The following EHBP1L1 variants were observed in gnomAD, a reference collection of about 807,000 sequenced individuals.
EHBP1L1 encodes the protein EH domain binding protein 1 like 1, also known as EH domain-binding protein 1-like protein 1.
A neutral mutation model predicts 151.1 loss-of-function variants in EHBP1L1; 122 were observed. That is an observed-to-expected ratio of 0.81 (90% CI 0.70 to 0.94). EHBP1L1 has a LOEUF of 0.94. Among genes scored for constraint, EHBP1L1 ranks in the 40% least tolerant of loss-of-function variants. The pLI is 0.00. For missense variants in EHBP1L1, 1,941 were observed against 1,959.8 expected, an observed-to-expected ratio of 0.99 and a Z score of 0.18; for synonymous variants, 878 against 810.1, an observed-to-expected ratio of 1.08 and a Z score of -1.42.
chr11:65,581,638 T>A lies in EHBP1L1; in HGVS notation c.966T>A (p.Asp322Glu), dbSNP rs1487412305. 3.1e-5 allele frequency: 48 copies of A among 1,553,110 alleles called. No individual in the cohort carries two copies. The highest frequency in any genetic ancestry group is 4.1e-5 in the Non-Finnish European group (47 of 1,148,562). Residue 322 changes from aspartate (D) to glutamate (E), a missense_variant, in exon 9 of 19, where the codon GAT becomes GAA. Asp to Glu is a conservative substitution (Grantham distance 45, BLOSUM62 2). Coordinates refer to ENST00000309295, the MANE Select transcript of EHBP1L1 (RefSeq NM_001099409.3). Reference protein sequence around the residue: ...ALRPPVPQGEDEVPKASGAPP... With the variant: ...ALRPPVPQGEEEVPKASGAPP... ...GGCCCCCAGTCCCCCAGGGGGAAGA[T>A]GAGGTCCCCAAAGCCTCAGGGGCTC...
At chr11:65,592,159 G>A in intron 18 of EHBP1L1, 44 bp from the exon 19 acceptor site, 1 of 1,605,836 alleles carries the variant, frequency 6.2e-7, no homozygotes, top group South Asian at 1.1e-5. Context: ...GGCTGCGTGT[G>A]GACCCCGCCC....
Position 65,585,572 on chromosome 11 carries a change from C to T in EHBP1L1, c.3914C>T (p.Ala1305Val). The change falls in exon 12 of 19, where the codon GCC becomes GTC. Residue 1305 changes from alanine (A) to valine (V), a missense_variant. By Grantham distance (64) the Ala-to-Val change is moderately conservative (BLOSUM62 0). Transcript: ENST00000309295. The surrounding 1 kb of genome is among the most constrained non-coding windows in gnomAD (Gnocchi z 4.0). Reference protein sequence around the residue: ...SFSMDDPDAGAMGAAAAEGQA... With the variant: ...SFSMDDPDAGVMGAAAAEGQA... ...TCGATGGACGATCCGGACGCGGGAG[C>T]CATGGGAGCTGCGGCTGCAGTGAGT... The T allele has an allele frequency of 6.3e-7, 1 of 1,580,798 alleles. No homozygotes were observed. Among genetic ancestry groups the T allele is most frequent in the South Asian group, 1.1e-5 (1 of 88,166 alleles).
intron 3 of EHBP1L1, 96 bp from the exon 4 acceptor site, chr11:65,579,840 A>G: frequency 7.4e-7 from 1 of 1,356,862 alleles, no homozygotes; most frequent in Admixed American, 2.2e-5. Flanking sequence ...AAAAAAAAAA[A>G]AGCCACCACT....
intron 6 of EHBP1L1, 50 bp from the exon 7 acceptor site, chr11:65,581,008 G>T: frequency 1.3e-6 from 2 of 1,552,376 alleles, no homozygotes; most frequent in Non-Finnish European, 1.7e-6. Flanking sequence ...GGCCTGTGGG[G>T]CCCTGCCCTG....
In EHBP1L1 at chr11:65,583,432, G is replaced by T. The variant is rs770611619; in HGVS notation, c.2760G>T (p.Glu920Asp). ...TAGGATCCCAGGAAGCAAAAGCAGA[G>T]ATTTCAGGAGTACAAGGGTCAGAGA... ...RVLGSQEAKA[E>D]ISGVQGSETQ... is the part of the protein sequence containing the mutation. The change falls in exon 9 of 19, where the codon GAG (glutamate) becomes GAT (aspartate). Residue 920 changes from glutamate (E) to aspartate (D), a missense_variant. By Grantham distance (45) the Glu-to-Asp change is conservative. Coordinates refer to ENST00000309295, the MANE Select transcript of EHBP1L1 (RefSeq NM_001099409.3). The T allele has an allele frequency of 6.2e-7, 1 of 1,613,638 alleles. No homozygotes were observed. Among genetic ancestry groups the T allele is most frequent in the Non-Finnish European group, 8.5e-7 (1 of 1,179,776 alleles).
chr11:65,584,228 CCT>C lies in EHBP1L1; in HGVS notation c.3094-12_3094-11del. Reference sequence around the variant, plus strand: ...CATTTATACATTCCCTAAGCCCACCCCTGTGTCCTCAGGCACCACCTGCCCTG... The same window carrying C: ...CATTTATACATTCCCTAAGCCCACCCGTGTCCTCAGGCACCACCTGCCCTG... On this transcript the variant is annotated splice_polypyrimidine_tract_variant and intron_variant, in intron 9 of 18. Coordinates refer to ENST00000309295, the MANE Select transcript of EHBP1L1 (RefSeq NM_001099409.3). 1.2e-6 allele frequency: 2 copies of C among 1,605,420 alleles called. No homozygotes were observed. The highest frequency in any genetic ancestry group is 1.7e-6 in the Non-Finnish European group (2 of 1,177,396).
rs764716500 is a variant in EHBP1L1, at chr11:65,582,197, G to T, written c.1525G>T (p.Ala509Ser). 1 of 1,543,984 alleles carries T rather than the reference G, an allele frequency of 6.5e-7. No individual in the cohort carries two copies. The change falls in exon 9 of 19, where the codon GCA becomes TCA. Residue 509 changes from alanine to serine, a missense_variant. Coordinates refer to ENST00000309295, the MANE Select transcript of EHBP1L1 (RefSeq NM_001099409.3). ...RAAAGQEREG[A>S]EVRGGAPGIE... ...TGCTGCAGGCCAGGAGAGAGAGGGT[G>T]CAGAAGTGAGGGGTGGAGCACCTGG...
rs772115377 is a variant in EHBP1L1 at position 65,584,466 on chromosome 11, G to A, written c.3252-20G>A. On this transcript the variant is annotated intron_variant, in intron 10 of 18. Transcript: ENST00000309295. ...GGAGGGCAGTGTGGACCCAGCCTCT[G>A]ACCAGCACACTCTCTGCAGTGACTA... The A allele has an allele frequency of 2.0e-5, 32 of 1,613,340 alleles. No individual in the cohort carries two copies. The South Asian group carries it at 3.3e-4, about 17-fold the overall frequency.
Position 65,581,371 on chromosome 11 carries a change from G to T in EHBP1L1, c.864G>T (p.Met288Ile). The change falls in exon 8 of 19, where the codon ATG becomes ATT. Residue 288 changes from methionine (M) to isoleucine (I), a missense_variant and splice_region_variant. Coordinates refer to ENST00000309295, the MANE Select transcript of EHBP1L1 (RefSeq NM_001099409.3). Reference sequence around the variant, plus strand: ...GGCCCCCGGAAACCTCACCAGAGATGAGGTGAGCTTTGGAACCAGCCTCAC... The same window carrying T: ...GGCCCCCGGAAACCTCACCAGAGATTAGGTGAGCTTTGGAACCAGCCTCAC... ...APRPPETSPE[M>I]RSSRQPAQDT... 4 of 1,553,212 alleles carry T rather than the reference G, an allele frequency of 2.6e-6. No individual in the cohort carries two copies. Among genetic ancestry groups the T allele is most frequent in the Non-Finnish European group, 3.5e-6 (4 of 1,153,008 alleles).
Position 65,581,566 on chromosome 11 carries a change from G to A in EHBP1L1, c.894G>A (p.Thr298=), listed in dbSNP as rs74684453. The change falls in exon 9 of 19, where the codon ACG becomes ACA. Residue 298 remains threonine, a synonymous_variant. Coordinates refer to ENST00000309295, the MANE Select transcript of EHBP1L1 (RefSeq NM_001099409.3). ...MRSSRQPAQD[T]APTPAPRLRK... ...CTTCAAGGCAGCCAGCCCAGGACAC[G>A]GCCCCCACCCCAGCCCCTCGGCTCC... 35,314 of 1,506,166 alleles carry A rather than the reference G, an allele frequency of 0.023. 500 individuals carry two copies. The highest frequency in any genetic ancestry group is 0.028 in the Non-Finnish European group (31,615 of 1,128,528). The allele number at this position is 1,506,166 out of a possible 1,614,324, so 93.3% of individuals were successfully genotyped here.
chr11:65,582,224 A>T lies in EHBP1L1; in HGVS notation c.1552A>T (p.Ile518Phe). 1 of 1,531,032 alleles carries T rather than the reference A, an allele frequency of 6.5e-7. No homozygotes were observed. The highest frequency in any genetic ancestry group is 1.3e-5 in the South Asian group (1 of 77,172). 94.8% of individuals were successfully genotyped at this position (1,531,032 alleles called of 1,614,324 possible). A position where few individuals can be genotyped will look rare whatever the true frequency, so the allele number is the denominator to read the frequency against. ...AGAAGTGAGGGGTGGAGCACCTGGT[A>T]TTGAGGGGACAGGCCTGGAGCAGGG... Reference protein sequence around the residue: ...GAEVRGGAPGIEGTGLEQGPS... With the variant: ...GAEVRGGAPGFEGTGLEQGPS... Residue 518 changes from isoleucine to phenylalanine, a missense_variant, in exon 9 of 19, where the codon ATT becomes TTT. Ile to Phe is a conservative substitution (Grantham distance 21, BLOSUM62 0). Coordinates refer to ENST00000309295, the MANE Select transcript of EHBP1L1 (RefSeq NM_001099409.3).
intron 1 of EHBP1L1, among the ~76,000 whole-genome samples, chr11:65,577,583 C>T (rs896509074): frequency 1.3e-5 from 2 of 152,076 alleles, no homozygotes; most frequent in Non-Finnish European, 2.9e-5. Flanking sequence ...TAGCCTGGAG[C>T]CCAGGCCGGG....
In EHBP1L1 at chr11:65,592,380, C is replaced by G. The variant is rs1182311487; in HGVS notation, c.*78C>G. ...GCCCCGGGCCTGCGCTGCGGACGAC[C>G]CGGCCGTCCCGGAGGCCGCGCGCGT... On this transcript the variant is annotated 3_prime_UTR_variant, in exon 19 of 19. Coordinates refer to ENST00000309295, the MANE Select transcript of EHBP1L1 (RefSeq NM_001099409.3). 7 of 1,106,520 alleles carry G rather than the reference C, an allele frequency of 6.3e-6. No homozygotes were observed. Among genetic ancestry groups the G allele is most frequent in the Non-Finnish European group, 7.8e-6 (7 of 893,168 alleles). 68.5% of individuals were successfully genotyped at this position (1,106,520 alleles called of 1,614,324 possible).
At chr11:65,584,876 C>T (rs1857850845) in intron 11 of EHBP1L1, 83 bp from the exon 12 acceptor site, 1 of 1,483,190 alleles carries the variant, frequency 6.7e-7, no homozygotes, top group Admixed American at 2.5e-5. Context: ...ATCCCGGGGA[C>T]CCCCTCCGTG....
At chr11:65,580,973 G>A in intron 6 of EHBP1L1, 85 bp from the exon 7 acceptor site, 1 of 1,518,812 alleles carries the variant, frequency 6.6e-7, no homozygotes. Flanking sequence ...GGTAGGACCT[G>A]CACTGTAGTT....
At chr11:65,581,153 G>A (rs1173334145) in intron 7 of EHBP1L1, 27 bp downstream of exon 7, 7 of 1,612,354 alleles carry the variant, frequency 4.3e-6, no homozygotes, top group Non-Finnish European at 5.1e-6. Context: ...GGTTGGGGGT[G>A]GAGACTGGAC....
At position 65,583,310 on chromosome 11, in the gene EHBP1L1, G is replaced by A; in HGVS notation, c.2638G>A (p.Glu880Lys). ...EIIVPEAEKE[E>K]AQTSGVQEAE... ...TATAGTTCCAGAGGCTGAGAAGGAA[G>A]AGGCTCAGACTTCGGGGGTCCAGGA... is the stretch of plus-strand genomic sequence containing the variant. The change falls in exon 9 of 19, where the codon GAG (glutamate) becomes AAG (lysine). Residue 880 changes from glutamate (E) to lysine (K), a missense_variant. Physicochemically the swap from Glu to Lys is moderately conservative, Grantham distance 56 (BLOSUM62 1). Coordinates refer to ENST00000309295, the MANE Select transcript of EHBP1L1 (RefSeq NM_001099409.3). 1 of 1,613,738 alleles carries A rather than the reference G, an allele frequency of 6.2e-7. No individual in the cohort carries two copies. The highest frequency in any genetic ancestry group is 8.5e-7 in the Non-Finnish European group (1 of 1,179,822).
At chr11:65,584,697 C>CGTTT (rs892636382) in intron 11 of EHBP1L1, 163 bp downstream of exon 11, 1 of 1,135,648 alleles carries the variant, frequency 8.8e-7, no homozygotes, top group Middle Eastern at 2.8e-4. Flanking sequence ...TCCTTATTTT[C>CGTTT]GTTTGTTTGT....
At chr11:65,591,654 GATA>G in intron 16 of EHBP1L1, 143 bp from the exon 17 acceptor site, 1 of 707,232 alleles carries the variant, frequency 1.4e-6, no homozygotes, top group Non-Finnish European at 2.6e-6. Context: ...GAGACTAGAG[GATA>G]GCTCTGCGGT....
Sources: allele counts gnomAD v4.1 joint callset (sites outside exome capture counted in the v4.1 genomes callset), GRCh38; gene constraint gnomAD v4.1.1; non-coding constraint Gnocchi (gnomAD v3.1); transcripts MANE v1.5; gene names NCBI Gene and HGNC (gene_info 2026-07-23, HGNC 2026-07-21).